Variants in NLRC3 observed in about 807,000 individuals in gnomAD.
NLRC3 encodes NLR family CARD domain containing 3.
NLRC3 carries 87 observed loss-of-function variants against 91.6 expected under a neutral mutation model. That is an observed-to-expected ratio of 0.95 (90% CI 0.80 to 1.14). NLRC3 has a LOEUF of 1.14. NLRC3 is among the 50% of genes most tolerant of loss of function. NLRC3 has a pLI of 0.00. For missense variants in NLRC3, 1,577 were observed against 1,418.6 expected (o/e 1.11, Z -1.79); for synonymous variants, 694 against 625.3 (o/e 1.11, Z -1.64).
rs753539558 is a variant in NLRC3, at chr16:3,563,778, C to T, written c.1159G>A (p.Glu387Lys). 8.1e-6 allele frequency: 13 copies of T among 1,612,790 alleles called. No homozygotes were observed. The highest frequency in any genetic ancestry group is 9.3e-6 in the Non-Finnish European group (11 of 1,179,498). Residue 387 changes from glutamate to lysine, a missense_variant, in exon 5 of 20, where the codon GAG (glutamate) becomes AAG (lysine). Physicochemically the swap from Glu to Lys is moderately conservative, Grantham distance 56. Transcript: ENST00000359128. ...QEKGKASPRI[E>K]QVAHGGRKMV... ...TTGCGGCCACCATGGGCCACCTGCTCGATGCGAGGGCTTGCCTTGCCCTTC... is the reference window on the plus strand; with the variant it reads ...TTGCGGCCACCATGGGCCACCTGCTTGATGCGAGGGCTTGCCTTGCCCTTC...
intron 12 of NLRC3, 124 bp from the exon 13 acceptor site, chr16:3,549,349 T>C: frequency 2.7e-6 from 2 of 743,776 alleles, no homozygotes; most frequent in Non-Finnish European, 4.6e-6. Context: ...GAGTTCTGCA[T>C]AGTCTGGGCT....
intron 19 of NLRC3, 118 bp from the exon 20 acceptor site, chr16:3,542,033 G>A (rs547559165): frequency 4.6e-5 from 37 of 801,838 alleles, no homozygotes; most frequent in South Asian, 3.0e-4. Context: ...GGATCCCCTC[G>A]CTACATGGAC....
chr16:3,561,655 C>A, intron 6 of NLRC3, 47 bp downstream of exon 6: 1 of 1,315,942 alleles, frequency 7.6e-7, no homozygotes, highest in Non-Finnish European at 1.1e-6. Context: ...GGGTTCCATA[C>A]CCCACAAGAC....
In NLRC3 at chr16:3,549,212, A is replaced by C; in HGVS notation, c.2533T>G (p.Ser845Ala). The change falls in exon 13 of 20, where the codon TCC (serine) becomes GCC (alanine). Residue 845 changes from serine (S) to alanine (A), a missense_variant. Ser to Ala is a moderately conservative substitution (Grantham distance 99). Coordinates refer to ENST00000359128, the MANE Select transcript of NLRC3 (RefSeq NM_178844.4). The part of the protein sequence containing the change: ...TLLSLSLREN[S>A]ISPEGAQAIA... Reference sequence around the variant, plus strand: ...GCCTGGGCTCCCTCGGGACTGATGGAGTTTTCTCGAAGGCTGAAAAAAAAG... The same window carrying C: ...GCCTGGGCTCCCTCGGGACTGATGGCGTTTTCTCGAAGGCTGAAAAAAAAG... 2 of 1,582,516 alleles carry C rather than the reference A, an allele frequency of 1.3e-6. No homozygotes were observed. The highest frequency in any genetic ancestry group is 1.7e-6 in the Non-Finnish European group (2 of 1,164,016).
intron 14 of NLRC3, 30 bp from the exon 15 acceptor site, chr16:3,548,248 T>C: frequency 6.6e-7 from 1 of 1,504,194 alleles, no homozygotes. Flanking sequence ...TGTGACTATG[T>C]GACTATGTGA....
At position 3,564,348 on chromosome 16, in the gene NLRC3, C is replaced by T. The variant is rs1567147375; in HGVS notation, c.589G>A (p.Val197Ile). The stretch of plus-strand genomic sequence containing the variant: ...CTGGGCTCCCCGACGTGCGGGAAGA[C>T]CGAGCAGATGAGTCGGTCGGCACAC... Reference protein sequence around the residue: ...KLCADRLICSVFPHVGEPSLA... With the variant: ...KLCADRLICSIFPHVGEPSLA... The change falls in exon 5 of 20, where the codon GTC (valine) becomes ATC (isoleucine). Residue 197 changes from valine (V) to isoleucine (I), a missense_variant. By Grantham distance (29) the Val-to-Ile change is conservative. Coordinates refer to ENST00000359128, the MANE Select transcript of NLRC3 (RefSeq NM_178844.4). This position sits in a 1 kb window ranked among gnomAD's most constrained non-coding sequence, Gnocchi z 5.9. The T allele has an allele frequency of 1.2e-6, 2 of 1,612,076 alleles. No individual in the cohort carries two copies. The highest frequency in any genetic ancestry group is 2.2e-5 in the East Asian group (1 of 44,860).
intron 6 of NLRC3, among the ~76,000 whole-genome samples, chr16:3,560,408 G>T (rs1567140142): frequency 6.6e-6 from 1 of 151,888 alleles, no homozygotes; most frequent in Non-Finnish European, 1.5e-5. Context: ...GCCCAACACA[G>T]GGAGACTCCG....
chr16:3,553,891 A>G (rs970051810), intron 9 of NLRC3, among the ~76,000 whole-genome samples: 7 of 148,382 alleles, frequency 4.7e-5, no homozygotes, highest in Non-Finnish European at 9.0e-5. Flanking sequence ...ACAGGCTTGC[A>G]CCACCATGCC....
At position 3,566,361 on chromosome 16, in the gene NLRC3, C is replaced by T. The variant is rs565150712; in HGVS notation, c.-87+882G>A. Among the ~76,000 whole-genome samples, 17 of 151,994 alleles carry T rather than the reference C, an allele frequency of 1.1e-4. No individual in the cohort carries two copies. The South Asian group carries it at 3.1e-3, about 28-fold the overall frequency. On this transcript the variant is annotated intron_variant, in intron 2 of 19. Coordinates refer to ENST00000359128, the MANE Select transcript of NLRC3 (RefSeq NM_178844.4). ...AGCCCAGCACTTTGGGAGGTCGAGG[C>T]GGGCAGATCACTTGAGGTCAGGAAT... is the stretch of plus-strand genomic sequence containing the variant.
chr16:3,558,230 G>A (rs1442439906), intron 6 of NLRC3, among the ~76,000 whole-genome samples: 1 of 152,146 alleles, frequency 6.6e-6, no homozygotes, highest in Non-Finnish European at 1.5e-5. Context: ...AGCTACTTGG[G>A]AGGCTGAGGA....
chr16:3,563,448 TC>T lies in NLRC3; in HGVS notation c.1488del (p.Ser497AlafsTer99). On this transcript the variant is annotated frameshift_variant, in exon 5 of 20. Transcript: ENST00000359128. LOFTEE classifies it high-confidence loss of function. ...GCCTGCATGGCCCGCTGGGCTGCGC[TC>T]CTGAAATGCGTGAGGAAGCCCAGCC... is the stretch of plus-strand genomic sequence containing the variant. ...WPRLGFLTHF[R>X]SAAQRAMQAE... is the part of the protein sequence containing the mutation. 1 of 1,579,724 alleles carries T rather than the reference TC, an allele frequency of 6.3e-7. No homozygotes were observed. Among genetic ancestry groups the T allele is most frequent in the Non-Finnish European group, 8.6e-7 (1 of 1,163,324 alleles).
intron 18 of NLRC3, 22 bp downstream of exon 18, chr16:3,542,670 G>A: frequency 6.6e-7 from 1 of 1,513,562 alleles, no homozygotes; most frequent in Non-Finnish European, 9.1e-7. Context: ...CAGGATGCAG[G>A]TAGGTCCCTC....
intron 17 of NLRC3, 186 bp downstream of exon 17, chr16:3,543,239 G>A: frequency 1.7e-6 from 1 of 595,986 alleles, no homozygotes; most frequent in South Asian, 1.8e-5. Context: ...CCGGAGAGGA[G>A]GGCAAATGAT....
chr16:3,557,894 A>G (rs2039423775), intron 6 of NLRC3, among the ~76,000 whole-genome samples: 1 of 152,198 alleles, frequency 6.6e-6, no homozygotes, highest in Admixed American at 6.5e-5. Context: ...GACCCTCATC[A>G]TGGCAAAGGG....
chr16:3,566,726 A>T (rs902296464), intron 2 of NLRC3, among the ~76,000 whole-genome samples: 7 of 135,272 alleles, frequency 5.2e-5, no homozygotes, highest in South Asian at 4.4e-4. Context: ...ACTCCGTATA[A>T]AAAAAAAAAA....
chr16:3,571,107 T>C (rs2040082493), intron 1 of NLRC3, among the ~76,000 whole-genome samples: 2 of 152,110 alleles, frequency 1.3e-5, no homozygotes, highest in South Asian at 4.1e-4. Flanking sequence ...TTAAGGAGTT[T>C]GGTAACATGA....
chr16:3,559,989 G>A (rs2039534093), intron 6 of NLRC3, among the ~76,000 whole-genome samples: 1 of 152,048 alleles, frequency 6.6e-6, no homozygotes, highest in Admixed American at 6.6e-5. Context: ...GCACAGAAAT[G>A]ACTTCTTCAA....
Position 3,577,016 on chromosome 16 carries a change from G to C in NLRC3, c.-169+133C>G, listed in dbSNP as rs56093151. 56,138 of 675,804 alleles carry C rather than the reference G, an allele frequency of 0.083. 3,398 individuals carry two copies. The highest frequency in any genetic ancestry group is 0.25 in the African/African-American group (14,347 of 56,514). The allele number at this position is 675,804 out of a possible 1,614,324, so 41.9% of individuals were successfully genotyped here. A position where few individuals can be genotyped will look rare whatever the true frequency, so the allele number is the denominator to read the frequency against. On this transcript the variant is annotated intron_variant, in intron 1 of 19. Transcript: ENST00000359128. ...TGAGCCAGTCCTGCCCCAGGAGACA[G>C]CTTCTTGGAGTCTCGTGGAGTCTCC...
At chr16:3,548,900 G>T in intron 13 of NLRC3, 147 bp from the exon 14 acceptor site, 1 of 669,638 alleles carries the variant, frequency 1.5e-6, no homozygotes, top group Non-Finnish European at 2.6e-6. Flanking sequence ...CAATGGCATG[G>T]TAACATCCTC....
Sources: allele counts gnomAD v4.1 joint callset (sites outside exome capture counted in the v4.1 genomes callset), GRCh38; gene constraint gnomAD v4.1.1; non-coding constraint Gnocchi (gnomAD v3.1); transcripts MANE v1.5; gene names NCBI Gene and HGNC (gene_info 2026-07-23, HGNC 2026-07-21).